Variants in SH3RF3 observed in about 807,000 individuals in gnomAD.
SH3RF3 encodes E3 ubiquitin-protein ligase SH3RF3.
Under a neutral mutation model 66.3 loss-of-function variants are expected in SH3RF3, and 29 were observed. That is an observed-to-expected ratio of 0.44 (90% CI 0.33 to 0.60). SH3RF3 has a LOEUF of 0.60. SH3RF3 is among the 20% of genes least tolerant of loss of function. The probability of loss-of-function intolerance (pLI) is 0.04; values close to 1 mark genes in which losing one functional copy is unlikely to be tolerated. For synonymous variants in SH3RF3, 583 were observed against 532.0 expected, an observed-to-expected ratio of 1.10 and a Z score of -1.32; for missense variants, 1,194 against 1,190.9, an observed-to-expected ratio of 1.00 and a Z score of -0.04.
chr2:109,219,758 A>G (rs1299069550), intron 1 of SH3RF3, among the ~76,000 whole-genome samples: 1 of 152,252 alleles, frequency 6.6e-6, no homozygotes, highest in African/African-American at 2.4e-5. Flanking sequence ...TGGCACACTG[A>G]AAACTACAAC....
In SH3RF3 at chr2:109,501,527, A is replaced by G; in HGVS notation, c.2505A>G (p.Pro835=). The G allele has an allele frequency of 1.3e-6, 1 of 779,088 alleles. No individual in the cohort carries two copies. Among genetic ancestry groups the G allele is most frequent in the Non-Finnish European group, 2.4e-6 (1 of 417,298 alleles). 48.3% of individuals were successfully genotyped at this position (779,088 alleles called of 1,614,324 possible). The change falls in exon 10 of 10, where the codon CCA becomes CCG. Residue 835 remains proline, a synonymous_variant. Coordinates refer to ENST00000309415, the MANE Select transcript of SH3RF3 (RefSeq NM_001099289.3). ...GGTACCGCGTGGTGGTCTCGTACCC[A>G]CCCCAGAGTGAGGCGGAGATCGAGC... The part of the protein sequence containing the change: ...RERYRVVVSY[P]PQSEAEIELK...
At chr2:109,168,903 C>T (rs1677691965) in intron 1 of SH3RF3, among the ~76,000 whole-genome samples, 1 of 152,214 alleles carries the variant, frequency 6.6e-6, no homozygotes, top group African/African-American at 2.4e-5. Flanking sequence ...TCTGCTGTAT[C>T]TTCAGGACTC....
In SH3RF3 at chr2:109,398,676, C is replaced by T; in HGVS notation, c.1032C>T (p.Asp344=). The T allele has an allele frequency of 1.1e-5, 17 of 1,609,474 alleles. No homozygotes were observed. The highest frequency in any genetic ancestry group is 1.4e-5 in the Non-Finnish European group (16 of 1,178,200). The part of the protein sequence containing the change: ...ASSCNASLPS[D]SGAVASVAPS... Reference sequence around the variant, plus strand: ...GCTGCAATGCCTCCCTGCCCTCTGACTCCGGCGCTGTGGCCAGCGTGGCCC... The same window carrying T: ...GCTGCAATGCCTCCCTGCCCTCTGATTCCGGCGCTGTGGCCAGCGTGGCCC... Residue 344 remains aspartate, a synonymous_variant, in exon 4 of 10, where the codon GAC becomes GAT. Coordinates refer to ENST00000309415, the MANE Select transcript of SH3RF3 (RefSeq NM_001099289.3).
chr2:109,312,938 C>T (rs1157446017), intron 1 of SH3RF3, among the ~76,000 whole-genome samples: 1 of 152,144 alleles, frequency 6.6e-6, no homozygotes, highest in Admixed American at 6.5e-5. Context: ...TATTGAAGAG[C>T]CGCCCTATGT....
At chr2:109,306,623 A>C (rs747732830) in intron 1 of SH3RF3, among the ~76,000 whole-genome samples, 11 of 152,210 alleles carry the variant, frequency 7.2e-5, no homozygotes, top group Admixed American at 2.0e-4. Flanking sequence ...CTGTTATGCA[A>C]GTATCGGAAT....
chr2:109,238,621 A>G (rs1679705107), intron 1 of SH3RF3, among the ~76,000 whole-genome samples: 1 of 152,092 alleles, frequency 6.6e-6, no homozygotes, highest in South Asian at 2.1e-4. Context: ...TATGGATGCC[A>G]CTGTTTCAGA....
chr2:109,435,797 A>T lies in SH3RF3; in HGVS notation c.1575-1096A>T, dbSNP rs959040544. ...TTTAAAAATGATTTCCTCGGGGAAA[A>T]GTGAGCTCAACAGATGATAGAAAAT... On this transcript the variant is annotated intron_variant, in intron 6 of 9. Coordinates refer to ENST00000309415, the MANE Select transcript of SH3RF3 (RefSeq NM_001099289.3). 7.9e-5 allele frequency among the ~76,000 whole-genome samples: 12 copies of T among 152,190 alleles called. No individual in the cohort carries two copies. In the East Asian group the frequency reaches 2.1e-3, roughly 27 times the overall value.
chr2:109,182,304 A>G (rs529436748), intron 1 of SH3RF3, among the ~76,000 whole-genome samples: 2 of 152,324 alleles, frequency 1.3e-5, no homozygotes, highest in East Asian at 3.9e-4. Context: ...ATGTGAGAGA[A>G]TGGGGCTGAA....
In SH3RF3 at chr2:109,130,052, C is replaced by A; in HGVS notation, c.512C>A (p.Ala171Glu). Reference sequence around the variant, plus strand: ...TCCCCGGTTTTCCTCTCCGCGGCCGCGGGCAGCACCGCCGGCAGTCTGCGG... The same window carrying A: ...TCCCCGGTTTTCCTCTCCGCGGCCGAGGGCAGCACCGCCGGCAGTCTGCGG... ...PGSPVFLSAA[A>E]GSTAGSLREL... The change falls in exon 1 of 10, where the codon GCG (alanine) becomes GAG (glutamate). Residue 171 changes from alanine to glutamate, a missense_variant. Ala to Glu is a moderately radical substitution (Grantham distance 107). Transcript: ENST00000309415. The A allele has an allele frequency of 7.3e-7, 1 of 1,363,024 alleles. No individual in the cohort carries two copies. The highest frequency in any genetic ancestry group is 3.4e-5 in the Admixed American group (1 of 29,428). The allele number at this position is 1,363,024 out of a possible 1,614,324, so 84.4% of individuals were successfully genotyped here. A position where few individuals can be genotyped will look rare whatever the true frequency, so the allele number is the denominator to read the frequency against.
intron 1 of SH3RF3, among the ~76,000 whole-genome samples, chr2:109,253,668 G>T (rs1680149861): frequency 6.6e-6 from 1 of 152,038 alleles, no homozygotes; most frequent in Non-Finnish European, 1.5e-5. Flanking sequence ...GTTGTATCTG[G>T]GTCATTTGGA....
At chr2:109,419,860 G>A (rs1312837280) in intron 5 of SH3RF3, among the ~76,000 whole-genome samples, 1 of 152,232 alleles carries the variant, frequency 6.6e-6, no homozygotes, top group Non-Finnish European at 1.5e-5. Context: ...TTTCTTCTAA[G>A]CAGGGAGGAT....
intron 8 of SH3RF3, among the ~76,000 whole-genome samples, chr2:109,466,908 T>G (rs575959203): frequency 1.4e-4 from 21 of 152,230 alleles, no homozygotes; most frequent in African/African-American, 4.6e-4. Context: ...TTTGTGTATG[T>G]GTGTCTATAT....
chr2:109,394,913 C>T lies in SH3RF3; in HGVS notation c.946-3677C>T, dbSNP rs561608290. On this transcript the variant is annotated intron_variant, in intron 3 of 9. Coordinates refer to ENST00000309415, the MANE Select transcript of SH3RF3 (RefSeq NM_001099289.3). Reference sequence around the variant, plus strand: ...AGTGTGGCTGCTCCTAATGGGTGCACGGGAGCCGCCGTCCCGCACAGGCAC... The same window carrying T: ...AGTGTGGCTGCTCCTAATGGGTGCATGGGAGCCGCCGTCCCGCACAGGCAC... Among the ~76,000 whole-genome samples the T allele has an allele frequency of 7.2e-5, 11 of 152,328 alleles. No homozygotes were observed. In the South Asian group the frequency reaches 1.2e-3, roughly 17 times the overall value.
Position 109,371,618 on chromosome 2 carries a change from T to C in SH3RF3, c.882T>C (p.Asp294=). The C allele has an allele frequency of 6.2e-7, 1 of 1,613,502 alleles. No homozygotes were observed. Among genetic ancestry groups the C allele is most frequent in the East Asian group, 2.2e-5 (1 of 44,882 alleles). The change falls in exon 3 of 10, where the codon GAT becomes GAC. Residue 294 remains aspartate (D), a synonymous_variant. Coordinates refer to ENST00000309415, the MANE Select transcript of SH3RF3 (RefSeq NM_001099289.3). ...DEILTVLRRV[D]ENWAEGMLGD... is the part of the protein sequence containing the mutation. ...TTCTGACGGTGCTCAGGAGAGTGGA[T>C]GAGAACTGGGCGGAAGGCATGCTGG...
chr2:109,310,082 T>A (rs1382193650), intron 1 of SH3RF3, among the ~76,000 whole-genome samples: 1 of 107,834 alleles, frequency 9.3e-6, no homozygotes, highest in Non-Finnish European at 1.7e-5. Context: ...ATTGACCACA[T>A]GGTTGGAAGT....
chr2:109,464,640 CTT>C, intron 8 of SH3RF3, among the ~76,000 whole-genome samples: 1 of 152,144 alleles, frequency 6.6e-6, no homozygotes, highest in Admixed American at 6.5e-5. Context: ...CCTTCCAAGA[CTT>C]TTTTTAAAGA....
chr2:109,183,963 C>T (rs1305386532), intron 1 of SH3RF3, among the ~76,000 whole-genome samples: 2 of 152,190 alleles, frequency 1.3e-5, no homozygotes, highest in Non-Finnish European at 2.9e-5. Context: ...TCCTCAGAGC[C>T]TCAGTTATTC....
chr2:109,153,698 C>T (rs944417779), intron 1 of SH3RF3, among the ~76,000 whole-genome samples: 1 of 152,212 alleles, frequency 6.6e-6, no homozygotes, highest in African/African-American at 2.4e-5. Context: ...TTGATCTAGT[C>T]TCCAGGGTGT....
chr2:109,394,933 A>G (rs1676100863), intron 3 of SH3RF3, among the ~76,000 whole-genome samples: 1 of 152,258 alleles, frequency 6.6e-6, no homozygotes, highest in Non-Finnish European at 1.5e-5. Flanking sequence ...CGTCCCGCAC[A>G]GGCACTGGCA....
Sources: allele counts gnomAD v4.1 joint callset (sites outside exome capture counted in the v4.1 genomes callset), GRCh38; gene constraint gnomAD v4.1.1; transcripts MANE v1.5; gene names NCBI Gene and HGNC (gene_info 2026-07-23, HGNC 2026-07-21).